Variants in NNT observed in about 807,000 individuals in gnomAD.
NNT encodes NAD(P) transhydrogenase, mitochondrial.
Under a neutral mutation model 104.8 loss-of-function variants are expected in NNT, and 50 were observed. The ratio of observed to expected loss-of-function variants is 0.48; its 90% CI spans 0.38 to 0.60. The LOEUF (loss-of-function observed/expected upper bound fraction) is 0.60. Ranked by LOEUF, NNT falls within the 20% of genes least tolerant of loss-of-function variation. The probability of loss-of-function intolerance (pLI) is 0.00; values close to 1 mark genes in which losing one functional copy is unlikely to be tolerated. For synonymous variants in NNT, 461 were observed against 490.4 expected (o/e 0.94, Z 0.79); for missense variants, 1,131 against 1,330.7 (o/e 0.85, Z 2.33).
chr5:43,608,167 G>C (rs1749324416), intron 1 of NNT, among the ~76,000 whole-genome samples: 1 of 151,934 alleles, frequency 6.6e-6, no homozygotes, highest in South Asian at 2.1e-4. Context: ...CTGACCTCGT[G>C]ATCTGCTCAC....
intron 14 of NNT, 85 bp from the exon 15 acceptor site, chr5:43,655,755 G>A: frequency 1.1e-6 from 1 of 918,522 alleles, no homozygotes; most frequent in South Asian, 1.5e-5. Flanking sequence ...TGTGACAATG[G>A]TGGAAATCCT....
At chr5:43,663,256 A>G (rs1740466026) in intron 17 of NNT, among the ~76,000 whole-genome samples, 1 of 151,932 alleles carries the variant, frequency 6.6e-6, no homozygotes, top group Non-Finnish European at 1.5e-5. Flanking sequence ...TTATTTCCTT[A>G]GGTCCAGTTT....
chr5:43,677,692 C>T (rs1488491942), intron 18 of NNT, 33 bp from the exon 19 acceptor site: 1 of 1,578,554 alleles, frequency 6.3e-7, no homozygotes, highest in Non-Finnish European at 8.7e-7. Context: ...AAATAAAAAA[C>T]ACATTCTTCT....
chr5:43,678,603 C>A (rs553127636), intron 19 of NNT, among the ~76,000 whole-genome samples: 1 of 152,150 alleles, frequency 6.6e-6, no homozygotes, highest in South Asian at 2.1e-4. Context: ...TTTTTGGTTT[C>A]CGGTCACACT....
In NNT at chr5:43,624,022, T is replaced by G. The variant is rs1263819095; in HGVS notation, c.688-10T>G. The G allele has an allele frequency of 6.2e-7, 1 of 1,613,882 alleles. No individual in the cohort carries two copies. The highest frequency in any genetic ancestry group is 8.5e-7 in the Non-Finnish European group (1 of 1,179,838). On this transcript the variant is annotated splice_polypyrimidine_tract_variant and intron_variant, in intron 5 of 21. Coordinates refer to ENST00000344920, the MANE Select transcript of NNT (RefSeq NM_182977.3). ...ATGAGCCTTAACACATAACTGGGTC[T>G]GTCTTCTAGATTCTGATAGTTGGTG...
intron 5 of NNT, among the ~76,000 whole-genome samples, chr5:43,620,677 G>A (rs1180458146): frequency 1.3e-5 from 2 of 152,194 alleles, no homozygotes; most frequent in African/African-American, 4.8e-5. Context: ...CTGTTTAAGT[G>A]TAGGCCAGAA....
intron 18 of NNT, 85 bp downstream of exon 18, chr5:43,675,755 T>C (rs752979051): frequency 2.0e-6 from 2 of 1,015,342 alleles, no homozygotes; most frequent in East Asian, 3.0e-5. Flanking sequence ...GAAAGTAGAA[T>C]TGAAACTTCT....
rs1743038958 is a variant in NNT, at chr5:43,704,910, AT to A, written c.*508del. 6.5e-6 allele frequency: 1 copy of A among 153,376 alleles called. No homozygotes were observed. Among genetic ancestry groups the A allele is most frequent in the Non-Finnish European group, 1.5e-5 (1 of 68,892 alleles). The allele number at this position is 153,376 out of a possible 1,614,324, so 9.5% of individuals were successfully genotyped here. On this transcript the variant is annotated 3_prime_UTR_variant, in exon 22 of 22. Coordinates refer to ENST00000344920, the MANE Select transcript of NNT (RefSeq NM_182977.3). ...CCCTTGCAATTCAACCGCAGTTTGA[AT>A]TAATCATATCAAATCAGTTTTAATT...
At chr5:43,622,044 G>A (rs1750123344) in intron 5 of NNT, among the ~76,000 whole-genome samples, 1 of 152,122 alleles carries the variant, frequency 6.6e-6, no homozygotes, top group Non-Finnish European at 1.5e-5. Flanking sequence ...GGAAATGTTT[G>A]GTTTAGGATT....
chr5:43,676,527 G>T (rs142338724), intron 18 of NNT, among the ~76,000 whole-genome samples: 5 of 152,312 alleles, frequency 3.3e-5, no homozygotes, highest in Non-Finnish European at 7.4e-5. Context: ...GTTTTTGGTT[G>T]TCCAAAGATG....
chr5:43,668,844 G>C (rs1344956435), intron 17 of NNT, among the ~76,000 whole-genome samples: 1 of 152,142 alleles, frequency 6.6e-6, no homozygotes, highest in Non-Finnish European at 1.5e-5. Flanking sequence ...GATGGGGATG[G>C]CATTGAATCT....
In NNT at chr5:43,614,772, G is replaced by T. The variant is rs1204506862; in HGVS notation, c.382-1076G>T. Among the ~76,000 whole-genome samples the T allele has an allele frequency of 2.0e-5, 3 of 152,234 alleles. No individual in the cohort carries two copies. The East Asian group carries it at 5.8e-4, about 29-fold the overall frequency. On this transcript the variant is annotated intron_variant, in intron 3 of 21. Transcript: ENST00000344920. ...ACTAATGAAATGGGATATTTTATTT[G>T]AAGGTTGATTTTAAACTTGGATATA...
chr5:43,658,160 T>A (rs1483584742), intron 16 of NNT, among the ~76,000 whole-genome samples: 1 of 152,060 alleles, frequency 6.6e-6, no homozygotes, highest in Non-Finnish European at 1.5e-5. Flanking sequence ...AAAAAAGATA[T>A]ACAAATCTAA....
At position 43,628,208 on chromosome 5, in the gene NNT, C is replaced by G; in HGVS notation, c.785C>G (p.Ala262Gly). The change falls in exon 7 of 22, where the codon GCT becomes GGT. Residue 262 changes from alanine to glycine, a missense_variant. Transcript: ENST00000344920. ...IVRGFDTRAA[A>G]LEQFKSLGAE... ...TTTAACAATCACCCTAGAGCTGCAG[C>G]TTTGGAACAGTTCAAGTCTCTTGGT... 6.2e-7 allele frequency: 1 copy of G among 1,609,550 alleles called. No individual in the cohort carries two copies. Among genetic ancestry groups the G allele is most frequent in the East Asian group, 2.2e-5 (1 of 44,696 alleles).
At chr5:43,661,734 A>G (rs1004257977) in intron 17 of NNT, among the ~76,000 whole-genome samples, 4 of 152,020 alleles carry the variant, frequency 2.6e-5, no homozygotes, top group Non-Finnish European at 5.9e-5. Flanking sequence ...TACGAAGGAC[A>G]TGAACTCATC....
chr5:43,631,853 A>C (rs892100548), intron 7 of NNT, among the ~76,000 whole-genome samples: 1 of 152,060 alleles, frequency 6.6e-6, no homozygotes, highest in African/African-American at 2.4e-5. Context: ...TGTTTTCTGA[A>C]GCCACGATCT....
At chr5:43,697,486 C>T (rs1742618294) in intron 19 of NNT, among the ~76,000 whole-genome samples, 1 of 152,212 alleles carries the variant, frequency 6.6e-6, no homozygotes. Context: ...CCAGCCTCTG[C>T]CTGTTACCCA....
intron 14 of NNT, among the ~76,000 whole-genome samples, chr5:43,655,326 C>T (rs1350338902): frequency 6.6e-6 from 1 of 152,150 alleles, no homozygotes; most frequent in Non-Finnish European, 1.5e-5. Context: ...AGAAAAACTG[C>T]TGTTTTGAAA....
chr5:43,674,872 A>G (rs1414440174), intron 17 of NNT, among the ~76,000 whole-genome samples: 1 of 152,204 alleles, frequency 6.6e-6, no homozygotes, highest in Non-Finnish European at 1.5e-5. Flanking sequence ...AAGAGTGAGT[A>G]TAAATTTTAA....
Sources: allele counts gnomAD v4.1 joint callset (sites outside exome capture counted in the v4.1 genomes callset), GRCh38; gene constraint gnomAD v4.1.1; transcripts MANE v1.5; gene names NCBI Gene and HGNC (gene_info 2026-07-23, HGNC 2026-07-21).